The following GRM1 variants were observed in gnomAD, a reference collection of about 807,000 sequenced individuals.
GRM1 encodes metabotropic glutamate receptor 1.
Under a neutral mutation model 90.9 loss-of-function variants are expected in GRM1, and 33 were observed. That is an observed-to-expected ratio of 0.36 (90% CI 0.28 to 0.49). The LOEUF (loss-of-function observed/expected upper bound fraction) is 0.49. GRM1 is among the 20% of genes least tolerant of loss of function. GRM1 has a pLI of 0.99. For missense variants in GRM1, 1,190 were observed against 1,534.3 expected (o/e 0.78, Z 3.75); for synonymous variants, 700 against 613.2 (o/e 1.14, Z -2.09).
Position 146,220,389 on chromosome 6 carries a change from G to A in GRM1, c.950+60792G>A, listed in dbSNP as rs549042498. ...AGGTACTATCAGAAAGATTGTCAGAGTATGCTATTTTAATATTTTTTCACA... is the reference window on the plus strand; with the variant it reads ...AGGTACTATCAGAAAGATTGTCAGAATATGCTATTTTAATATTTTTTCACA... On this transcript the variant is annotated intron_variant, in intron 2 of 7. Transcript: ENST00000282753. Among the ~76,000 whole-genome samples, 23 of 152,188 alleles carry A rather than the reference G, an allele frequency of 1.5e-4. No individual in the cohort carries two copies. The South Asian group carries it at 3.9e-3, about 26-fold the overall frequency.
intron 2 of GRM1, among the ~76,000 whole-genome samples, chr6:146,189,281 C>T (rs901785179): frequency 6.6e-6 from 1 of 152,124 alleles, no homozygotes; most frequent in African/African-American, 2.4e-5. Context: ...CCTCAGTGAC[C>T]TGGCCTGCTT....
chr6:146,304,640 T>C lies in GRM1; in HGVS notation c.980T>C (p.Ile327Thr). Residue 327 changes from isoleucine to threonine, a missense_variant, in exon 3 of 8, where the codon ATT becomes ACT. Coordinates refer to ENST00000282753, the MANE Select transcript of GRM1 (RefSeq NM_001278064.2). ...SDGWADRDEV[I>T]EGYEVEANGG... is the part of the protein sequence containing the mutation. ...GGATGGGCAGACAGAGATGAAGTCA[T>C]TGAAGGTTATGAGGTGGAAGCCAAC... 1.9e-6 allele frequency: 3 copies of C among 1,613,582 alleles called. No homozygotes were observed. Among genetic ancestry groups the C allele is most frequent in the South Asian group, 1.1e-5 (1 of 91,066 alleles).
intron 7 of GRM1, among the ~76,000 whole-genome samples, chr6:146,421,387 G>A (rs2114659677): frequency 6.6e-6 from 1 of 152,136 alleles, no homozygotes; most frequent in South Asian, 2.1e-4. Context: ...GTGCAAAAAG[G>A]GAAATTGTTG....
At chr6:146,324,960 A>G (rs1030174168) in intron 3 of GRM1, among the ~76,000 whole-genome samples, 2 of 152,206 alleles carry the variant, frequency 1.3e-5, no homozygotes, top group African/African-American at 4.8e-5. Context: ...AATTTTTACC[A>G]AAGATGAAGA....
chr6:146,054,761 TAGAA>T (rs1294718350), intron 1 of GRM1, among the ~76,000 whole-genome samples: 1 of 152,140 alleles, frequency 6.6e-6, no homozygotes, highest in Non-Finnish European at 1.5e-5. Flanking sequence ...AAATGTTTTA[TAGAA>T]AGAATAGGAC....
At chr6:146,343,297 C>G (rs1249020050) in intron 3 of GRM1, among the ~76,000 whole-genome samples, 1 of 152,088 alleles carries the variant, frequency 6.6e-6, no homozygotes, top group African/African-American at 2.4e-5. Context: ...CCAGACTTAC[C>G]ATAAACTTAC....
intron 1 of GRM1, among the ~76,000 whole-genome samples, chr6:146,112,188 C>T (rs1490030217): frequency 6.6e-6 from 1 of 151,900 alleles, no homozygotes; most frequent in Non-Finnish European, 1.5e-5. Flanking sequence ...TAACAACTTG[C>T]ACACAGTGGA....
intron 2 of GRM1, among the ~76,000 whole-genome samples, chr6:146,298,521 A>G (rs1783265352): frequency 6.6e-6 from 1 of 152,190 alleles, no homozygotes; most frequent in South Asian, 2.1e-4. Flanking sequence ...GTCCATTCTA[A>G]CAGAATCCTA....
chr6:146,086,699 C>A (rs1275737476), intron 1 of GRM1, among the ~76,000 whole-genome samples: 2 of 152,070 alleles, frequency 1.3e-5, no homozygotes, highest in African/African-American at 4.8e-5. Context: ...CCAGTACCAA[C>A]AATTGACCCT....
intron 7 of GRM1, among the ~76,000 whole-genome samples, chr6:146,430,482 C>A (rs1449621991): frequency 2.6e-5 from 4 of 152,120 alleles, no homozygotes; most frequent in African/African-American, 4.8e-5. Context: ...TGCTTTGTAA[C>A]AATTATGTGG....
chr6:146,174,426 C>T (rs1159734137), intron 2 of GRM1, among the ~76,000 whole-genome samples: 1 of 152,096 alleles, frequency 6.6e-6, no homozygotes, highest in Admixed American at 6.5e-5. Flanking sequence ...TAGTCCATGC[C>T]TGTGGGGATT....
At chr6:146,256,996 G>A (rs748334725) in intron 2 of GRM1, among the ~76,000 whole-genome samples, 1 of 152,016 alleles carries the variant, frequency 6.6e-6, no homozygotes, top group Admixed American at 6.6e-5. Flanking sequence ...TAAGTTTTCT[G>A]CCTCTGTGTT....
chr6:146,203,055 G>A (rs981226987), intron 2 of GRM1, among the ~76,000 whole-genome samples: 1 of 151,936 alleles, frequency 6.6e-6, no homozygotes, highest in Non-Finnish European at 1.5e-5. Context: ...TTAGCCGGGC[G>A]TGGTGCCGGG....
chr6:146,399,014 C>T lies in GRM1; in HGVS notation c.1975C>T (p.Leu659Phe), dbSNP rs781507787. 6 of 1,613,934 alleles carry T rather than the reference C, an allele frequency of 3.7e-6. No individual in the cohort carries two copies. The highest frequency in any genetic ancestry group is 4.2e-6 in the Non-Finnish European group (5 of 1,179,990). Residue 659 changes from leucine to phenylalanine, a missense_variant, in exon 7 of 8, where the codon CTC (leucine) becomes TTC (phenylalanine). Around this residue, in one of 10 missense-constraint regions of GRM1, gnomAD observed 414 missense variants for 598.4 expected, o/e 0.69. Transcript: ENST00000282753. The surrounding 1 kb of genome is among the most constrained non-coding windows in gnomAD (Gnocchi z 5.4). Reference sequence around the variant, plus strand: ...CAAACCTACTACCACCTCCTGCTACCTCCAGCGCCTCTTGGTTGGCCTCTC... The same window carrying T: ...CAAACCTACTACCACCTCCTGCTACTTCCAGCGCCTCTTGGTTGGCCTCTC... The part of the protein sequence containing the change: ...IAKPTTTSCY[L>F]QRLLVGLSSA...
intron 5 of GRM1, among the ~76,000 whole-genome samples, chr6:146,361,684 G>T (rs187020009): frequency 3.3e-5 from 5 of 152,214 alleles, no homozygotes; most frequent in Admixed American, 3.3e-4. Flanking sequence ...TTTTATAGAC[G>T]AGGGAATCTG....
At chr6:146,109,572 G>A (rs1250869716) in intron 1 of GRM1, among the ~76,000 whole-genome samples, 1 of 152,228 alleles carries the variant, frequency 6.6e-6, no homozygotes, top group Non-Finnish European at 1.5e-5. Context: ...GCGCAGAAGG[G>A]AAATGTGGGA....
At chr6:146,412,446 G>C (rs889228619) in intron 7 of GRM1, among the ~76,000 whole-genome samples, 4 of 151,708 alleles carry the variant, frequency 2.6e-5, no homozygotes, top group African/African-American at 4.8e-5. Flanking sequence ...ATTTTTTTTT[G>C]TAGAGTTCAG....
At chr6:146,107,290 T>C (rs1361269111) in intron 1 of GRM1, among the ~76,000 whole-genome samples, 1 of 151,754 alleles carries the variant, frequency 6.6e-6, no homozygotes, top group Admixed American at 6.6e-5. Context: ...ATAAAATAAA[T>C]AGAAACATCC....
intron 2 of GRM1, among the ~76,000 whole-genome samples, chr6:146,209,520 C>T (rs1410773555): frequency 6.6e-6 from 1 of 151,898 alleles, no homozygotes; most frequent in Non-Finnish European, 1.5e-5. Flanking sequence ...GCTTCAGGCA[C>T]ATGAGATACC....
Sources: allele counts gnomAD v4.1 joint callset (sites outside exome capture counted in the v4.1 genomes callset), GRCh38; gene constraint gnomAD v4.1.1; regional missense constraint gnomAD v4.1.1; non-coding constraint Gnocchi (gnomAD v3.1); transcripts MANE v1.5; gene names NCBI Gene and HGNC (gene_info 2026-07-23, HGNC 2026-07-21).